Variants in STXBP5 observed in about 807,000 individuals in gnomAD.
STXBP5 encodes the protein syntaxin-binding protein 5.
In STXBP5, 50 loss-of-function variants were observed where a neutral mutation model predicts 152.4. The observed-to-expected ratio is 0.33, with a 90% CI of 0.26 to 0.42. The LOEUF (loss-of-function observed/expected upper bound fraction) is 0.42. Among genes scored for constraint, STXBP5 ranks in the 10% least tolerant of loss-of-function variants. The probability of loss-of-function intolerance (pLI) is 1.00; values close to 1 mark genes in which losing one functional copy is unlikely to be tolerated. For synonymous variants in STXBP5, 492 were observed against 494.7 expected (o/e 0.99, Z 0.07); for missense variants, 1,167 against 1,388.6 (o/e 0.84, Z 2.54).
intron 7 of STXBP5, among the ~76,000 whole-genome samples, chr6:147,270,214 T>C (rs773637768): frequency 6.6e-5 from 10 of 151,564 alleles, no homozygotes; most frequent in Non-Finnish European, 1.2e-4. Context: ...CTAGCTAACA[T>C]GGTGAAACCT....
rs1562255793 is a variant in STXBP5, at chr6:147,339,262, ATTTTC to A, written c.2206+29_2206+33del. 5 of 1,511,452 alleles carry A rather than the reference ATTTTC, an allele frequency of 3.3e-6. No individual in the cohort carries two copies. The Admixed American group carries it at 9.4e-5, about 28-fold the overall frequency. 93.6% of individuals were successfully genotyped at this position (1,511,452 alleles called of 1,614,324 possible). ...GGGTATAGTATCTTGATTTTAAAGT[ATTTTC>A]TTTTATGTTTAATTTATTTAGTTTA... On this transcript the variant is annotated intron_variant, in intron 20 of 27. Transcript: ENST00000321680.
intron 22 of STXBP5, among the ~76,000 whole-genome samples, chr6:147,358,211 GA>G (rs547906554): frequency 0.019 from 2,767 of 142,636 alleles, 94 homozygotes; most frequent in African/African-American, 0.066. Flanking sequence ...GGGCAAATCT[GA>G]AAAAAAAAAA....
At chr6:147,268,313 A>G (rs1303759356) in intron 7 of STXBP5, among the ~76,000 whole-genome samples, 2 of 152,154 alleles carry the variant, frequency 1.3e-5, no homozygotes, top group African/African-American at 4.8e-5. Context: ...CATAATTTAG[A>G]CATCAGGAGT....
chr6:147,372,266 C>T (rs796374902), intron 25 of STXBP5, among the ~76,000 whole-genome samples: 6 of 151,994 alleles, frequency 3.9e-5, no homozygotes, highest in African/African-American at 1.4e-4. Flanking sequence ...TAAAAGAAAA[C>T]CTGAACAGCC....
At chr6:147,372,690 C>T (rs564901656) in intron 25 of STXBP5, among the ~76,000 whole-genome samples, 1 of 152,032 alleles carries the variant, frequency 6.6e-6, no homozygotes, top group East Asian at 1.9e-4. Context: ...ACCTCGGCCT[C>T]CCAAAGTGCT....
chr6:147,204,594 C>T lies in STXBP5; in HGVS notation c.62C>T (p.Ser21Leu). The change falls in exon 1 of 28, where the codon TCG becomes TTG. Residue 21 changes from serine to leucine, a missense_variant. By Grantham distance (145) the Ser-to-Leu change is moderately radical (BLOSUM62 -2). Coordinates refer to ENST00000321680, the MANE Select transcript of STXBP5 (RefSeq NM_001127715.4). The surrounding 1 kb of genome is among the most constrained non-coding windows in gnomAD (Gnocchi z 4.3). ...DGLTAGSSSA[S>L]QQQQQQHPPG... is the part of the protein sequence containing the mutation. Reference sequence around the variant, plus strand: ...CTGACCGCCGGCTCGTCCTCGGCGTCGCAGCAGCAACAGCAGCAGCATCCG... The same window carrying T: ...CTGACCGCCGGCTCGTCCTCGGCGTTGCAGCAGCAACAGCAGCAGCATCCG... 1.2e-6 allele frequency: 2 copies of T among 1,610,096 alleles called. No individual in the cohort carries two copies. The highest frequency in any genetic ancestry group is 1.7e-6 in the Non-Finnish European group (2 of 1,178,328).
rs547893605 is a variant in STXBP5 at position 147,310,379 on chromosome 6, A to G, written c.1072+141A>G. 8.4e-4 allele frequency: 512 copies of G among 609,346 alleles called. 1 individual carries two copies. The highest frequency in any genetic ancestry group is 5.7e-3 in the Middle Eastern group (12 of 2,110). The allele number at this position is 609,346 out of a possible 1,614,324, so 37.7% of individuals were successfully genotyped here. On this transcript the variant is annotated intron_variant, in intron 10 of 27. Transcript: ENST00000321680. ...AAGAGCTGCTGCATTCATAATCTAC[A>G]AACTTTATTTCAGAAGTGGTTTAAT...
At position 147,315,653 on chromosome 6, in the gene STXBP5, G is replaced by A. The variant is rs1170607317; in HGVS notation, c.1541G>A (p.Arg514Lys). The A allele has an allele frequency of 3.1e-6, 5 of 1,613,826 alleles. No individual in the cohort carries two copies. The highest frequency in any genetic ancestry group is 4.2e-6 in the Non-Finnish European group (5 of 1,179,930). Residue 514 changes from arginine (R) to lysine (K), a missense_variant, in exon 15 of 28, where the codon AGA (arginine) becomes AAA (lysine). Physicochemically the swap from Arg to Lys is conservative, Grantham distance 26 (BLOSUM62 2). Transcript: ENST00000321680. ...ATCATCTCCTGGTGTCCAGAAAGTA[G>A]AATGCTGTGCATCGCTGGAGTTTCA... ...IQIISWCPES[R>K]MLCIAGVSAH...
intron 8 of STXBP5, among the ~76,000 whole-genome samples, chr6:147,290,254 C>A (rs1341157776): frequency 6.6e-6 from 1 of 151,992 alleles, no homozygotes; most frequent in Non-Finnish European, 1.5e-5. Flanking sequence ...ACATACATGC[C>A]AGTTAGGCAA....
In STXBP5 at chr6:147,315,592, A is replaced by G. The variant is rs761855511; in HGVS notation, c.1480A>G (p.Thr494Ala). 68 of 1,613,824 alleles carry G rather than the reference A, an allele frequency of 4.2e-5. No individual in the cohort carries two copies. The highest frequency in any genetic ancestry group is 5.3e-5 in the Non-Finnish European group (63 of 1,179,902). ...KSRNKDDRPN[T>A]DIVDEDPYAI... ...AAGAAATAAAGATGACAGGCCAAAC[A>G]CAGACATTGTAGATGAAGATCCATA... The change falls in exon 15 of 28, where the codon ACA (threonine) becomes GCA (alanine). Residue 494 changes from threonine to alanine, a missense_variant. This residue lies in a region of STXBP5 where 833 missense variants were observed against 986.3 expected (regional missense o/e 0.84). Coordinates refer to ENST00000321680, the MANE Select transcript of STXBP5 (RefSeq NM_001127715.4).
chr6:147,260,761 C>A lies in STXBP5; in HGVS notation c.566+12C>A. 1 of 1,611,188 alleles carries A rather than the reference C, an allele frequency of 6.2e-7. No individual in the cohort carries two copies. On this transcript the variant is annotated intron_variant, in intron 5 of 27. Transcript: ENST00000321680. ...AAAGCCATTGAACTGTGAGTTTGAA[C>A]AAATATTTTGTATCTGAAAGCATCA...
intron 21 of STXBP5, among the ~76,000 whole-genome samples, chr6:147,342,449 G>A (rs370644878): frequency 1.3e-5 from 2 of 152,188 alleles, no homozygotes; most frequent in African/African-American, 2.4e-5. Flanking sequence ...TTTTAGTCTT[G>A]TGAGTTTGAC....
chr6:147,275,549 C>CT (rs71031021), intron 7 of STXBP5, among the ~76,000 whole-genome samples: 698 of 64,494 alleles, frequency 0.011, 143 homozygotes, highest in African/African-American at 0.023. Flanking sequence ...AGTAAATATT[C>CT]TTTTTTTTTT....
At chr6:147,242,197 T>G (rs962471345) in intron 4 of STXBP5, among the ~76,000 whole-genome samples, 5 of 150,282 alleles carry the variant, frequency 3.3e-5, no homozygotes, top group Non-Finnish European at 5.9e-5. Flanking sequence ...GTTTAAAAAG[T>G]AAAAGTAAAA....
chr6:147,311,508 A>G lies in STXBP5; in HGVS notation c.1126A>G (p.Ile376Val). 1 of 1,611,778 alleles carries G rather than the reference A, an allele frequency of 6.2e-7. No individual in the cohort carries two copies. Among genetic ancestry groups the G allele is most frequent in the Admixed American group, 1.7e-5 (1 of 59,584 alleles). The change falls in exon 11 of 28, where the codon ATA becomes GTA. Residue 376 changes from isoleucine to valine, a missense_variant. Ile to Val is a conservative substitution (Grantham distance 29). Coordinates refer to ENST00000321680, the MANE Select transcript of STXBP5 (RefSeq NM_001127715.4). ...VVLLEKDLVL[I>V]DLAQNGYPIF... ...TCTTCTAGAAAAGGATTTAGTACTT[A>G]TAGACCTTGCACAAAATGGGTAAGA...
chr6:147,240,218 A>C (rs2115208836), intron 4 of STXBP5, among the ~76,000 whole-genome samples: 1 of 152,298 alleles, frequency 6.6e-6, no homozygotes, highest in African/African-American at 2.4e-5. Flanking sequence ...CTGGGATTAC[A>C]GGCATGAGCC....
intron 21 of STXBP5, among the ~76,000 whole-genome samples, chr6:147,345,106 T>A (rs1046470725): frequency 1.3e-5 from 2 of 152,194 alleles, no homozygotes; most frequent in East Asian, 3.9e-4. Flanking sequence ...GTATTTAATT[T>A]GCCCTCTTTT....
chr6:147,314,572 C>T (rs944045904), intron 13 of STXBP5, 24 bp from the exon 14 acceptor site: 2 of 1,605,004 alleles, frequency 1.2e-6, no homozygotes, highest in South Asian at 1.1e-5. Flanking sequence ...TTATTCATCA[C>T]ATTCTTAACA....
chr6:147,334,719 C>T (rs1783744038), intron 19 of STXBP5, among the ~76,000 whole-genome samples: 1 of 151,864 alleles, frequency 6.6e-6, no homozygotes, highest in Admixed American at 6.6e-5. Context: ...CTTTATGTGA[C>T]CTGTGTGTAT....
Sources: gnomAD v4.1 joint callset for allele counts (sites outside exome capture counted in the v4.1 genomes callset) on GRCh38, gnomAD v4.1.1 for gene constraint, gnomAD v4.1.1 regional missense constraint, Gnocchi (gnomAD v3.1) non-coding constraint, MANE v1.5 for transcripts, NCBI Gene and HGNC (gene_info 2026-07-23, HGNC 2026-07-21) for gene names.